The following MOGAT1 variants were observed in gnomAD, a reference collection of about 807,000 sequenced individuals.
The protein encoded by MOGAT1 is monoacylglycerol O-acyltransferase 1, also known as 2-acylglycerol O-acyltransferase 1.
In MOGAT1, 32 loss-of-function variants were observed where a neutral mutation model predicts 31.4. The ratio of observed to expected loss-of-function variants is 1.02; its 90% CI spans 0.77 to 1.37. MOGAT1 has a LOEUF of 1.37. Ranked by LOEUF, MOGAT1 falls within the 40% of genes most tolerant of loss-of-function variation. The probability of loss-of-function intolerance (pLI) is 0.00; values close to 1 mark genes in which losing one functional copy is unlikely to be tolerated. For missense variants in MOGAT1, 426 were observed against 402.0 expected (o/e 1.06, Z -0.51); for synonymous variants, 145 against 144.5 (o/e 1.00, Z -0.03).
chr2:222,690,836 T>TG (rs1692748120), intron 3 of MOGAT1, among the ~76,000 whole-genome samples: 1 of 152,106 alleles, frequency 6.6e-6, no homozygotes, highest in South Asian at 2.1e-4. Flanking sequence ...AAAGTGGGGT[T>TG]GGGGGGGAAT....
At chr2:222,705,834 C>T (rs1227015413) in intron 5 of MOGAT1, among the ~76,000 whole-genome samples, 1 of 152,164 alleles carries the variant, frequency 6.6e-6, no homozygotes, top group East Asian at 1.9e-4. Context: ...ACTGAACTCA[C>T]AATAGCAGGT....
intron 1 of MOGAT1, among the ~76,000 whole-genome samples, chr2:222,682,418 C>T (rs6716022): frequency 0.44 from 66,207 of 152,018 alleles, 16,813 homozygotes; most frequent in African/African-American, 0.72. Context: ...AAAGCTTTTA[C>T]AAGGTTGATT....
chr2:222,709,548 G>T (rs575174044), intron 5 of MOGAT1, among the ~76,000 whole-genome samples, 188 bp from the exon 6 acceptor site: 2 of 152,326 alleles, frequency 1.3e-5, no homozygotes, highest in East Asian at 3.9e-4. Flanking sequence ...GAGGAGGAAA[G>T]TTCTTTATTT....
In MOGAT1 at chr2:222,701,596, A is replaced by AAAAGAGAAAGAAAGGG. The variant is rs763465755; in HGVS notation, c.853+6309_853+6310insAAGAGAAAGAAAGGGA. Reference sequence around the variant, plus strand: ...GAAAAGAAAGAAAAAGAAAGAAAGAAAGGGAGGGAGGGAGGGAGAGAAGAA... The same window carrying AAAAGAGAAAGAAAGGG: ...GAAAAGAAAGAAAAAGAAAGAAAGAAAAAGAGAAAGAAAGGGAGGGAGGGAGGGAGGGAGAGAAGAA... On this transcript the variant is annotated intron_variant, in intron 5 of 5. Transcript: ENST00000446656. 4.9e-3 allele frequency among the ~76,000 whole-genome samples: 682 copies of AAAAGAGAAAGAAAGGG among 139,076 alleles called. 10 individuals are homozygous for AAAAGAGAAAGAAAGGG. Among genetic ancestry groups the AAAAGAGAAAGAAAGGG allele is most frequent in the South Asian group, 0.015 (65 of 4,290 alleles). The allele number at this position is 139,076 out of a possible 152,430, so 91.2% of individuals were successfully genotyped here.
At chr2:222,677,690 A>G in intron 1 of MOGAT1, 2 of 423,870 alleles carry the variant, frequency 4.7e-6, no homozygotes, top group South Asian at 3.9e-5. Context: ...ATGACACAGT[A>G]GCAGCCTTTC....
chr2:222,691,941 T>C (rs549896687), intron 3 of MOGAT1, among the ~76,000 whole-genome samples: 2 of 152,216 alleles, frequency 1.3e-5, no homozygotes, highest in Non-Finnish European at 2.9e-5. Context: ...CAACTGCGTT[T>C]CAGGTTCATA....
chr2:222,695,780 A>G (rs960121042), intron 5 of MOGAT1, among the ~76,000 whole-genome samples: 1 of 151,074 alleles, frequency 6.6e-6, no homozygotes, highest in Admixed American at 6.6e-5. Context: ...TTTTTATTTC[A>G]GTAGGTTTTT....
At chr2:222,672,044 C>T (rs1692426516) in intron 1 of MOGAT1, among the ~76,000 whole-genome samples, 165 bp downstream of exon 1, 1 of 152,242 alleles carries the variant, frequency 6.6e-6, no homozygotes, top group Admixed American at 6.5e-5. Context: ...CTGGTTTCCT[C>T]ACGAGAACCT....
At chr2:222,677,362 C>G (rs922104512) in intron 1 of MOGAT1, among the ~76,000 whole-genome samples, 1 of 152,130 alleles carries the variant, frequency 6.6e-6, no homozygotes, top group Non-Finnish European at 1.5e-5. Context: ...GGGTGGATCA[C>G]GAGATCAGGA....
At chr2:222,696,813 G>A (rs546556583) in intron 5 of MOGAT1, among the ~76,000 whole-genome samples, 3 of 152,242 alleles carry the variant, frequency 2.0e-5, no homozygotes, top group East Asian at 1.9e-4. Flanking sequence ...GCTGAGACAG[G>A]AGGAATGCCT....
chr2:222,701,296 GGAGGAGAGAGA>G (rs1314864757), intron 5 of MOGAT1, among the ~76,000 whole-genome samples: 3 of 94,598 alleles, frequency 3.2e-5, no homozygotes, highest in African/African-American at 1.3e-4. Flanking sequence ...GAGAGGAGGA[GGAGGAGAGAGA>G]GAGAGAGAGA....
chr2:222,708,474 TG>T (rs909887730), intron 5 of MOGAT1, among the ~76,000 whole-genome samples: 2 of 152,258 alleles, frequency 1.3e-5, no homozygotes, highest in Admixed American at 1.3e-4. Context: ...TGGGAATTTT[TG>T]TATTTTCTAA....
chr2:222,678,762 G>A (rs191567326), intron 1 of MOGAT1, among the ~76,000 whole-genome samples: 51 of 152,230 alleles, frequency 3.4e-4, no homozygotes, highest in Non-Finnish European at 4.4e-4. Flanking sequence ...CCAACATGGG[G>A]ACACCCTGCC....
Position 222,685,881 on chromosome 2 carries a change from C to T in MOGAT1, c.95-2463C>T, listed in dbSNP as rs558535921. Reference sequence around the variant, plus strand: ...TCCCAAAGTGCTGGGATTACAGTCACGAGCCACTGTGCCCGGCTGTGTTTT... The same window carrying T: ...TCCCAAAGTGCTGGGATTACAGTCATGAGCCACTGTGCCCGGCTGTGTTTT... On this transcript the variant is annotated intron_variant, in intron 1 of 5. Transcript: ENST00000446656. Among the ~76,000 whole-genome samples the T allele has an allele frequency of 4.2e-4, 64 of 151,654 alleles. No homozygotes were observed. In the South Asian group the frequency reaches 0.012, roughly 29 times the overall value.
At chr2:222,689,621 T>C (rs1282301396) in intron 3 of MOGAT1, among the ~76,000 whole-genome samples, 152 bp downstream of exon 3, 1 of 152,236 alleles carries the variant, frequency 6.6e-6, no homozygotes, top group Admixed American at 6.5e-5. Context: ...GGGTGTTTCC[T>C]GCCCTCCCCC....
intron 5 of MOGAT1, among the ~76,000 whole-genome samples, chr2:222,700,990 G>A (rs370267108): frequency 7.2e-5 from 11 of 152,264 alleles, no homozygotes; most frequent in East Asian, 1.9e-4. Flanking sequence ...GCTACCTTAC[G>A]TCATAAGATA....
rs746838155 is a variant in MOGAT1 at position 222,695,092 on chromosome 2, C to T, written c.657C>T (p.Ala219=). ...CCCGTCCCCTTTGTTATTGCAGCGC[C>T]TCTCTGGTCCCAGTGGTTTCTTTTG... ...GFVKIALTHG[A]SLVPVVSFGE... The change falls in exon 5 of 6, where the codon GCC becomes GCT. Residue 219 remains alanine (A), a synonymous_variant. Coordinates refer to ENST00000446656, the MANE Select transcript of MOGAT1 (RefSeq NM_058165.3). 3.8e-5 allele frequency: 60 copies of T among 1,586,588 alleles called. No homozygotes were observed. Among genetic ancestry groups the T allele is most frequent in the Non-Finnish European group, 5.1e-5 (59 of 1,167,818 alleles).
In MOGAT1 at chr2:222,687,136, AAAAGAAAGAACAAGAAAG is replaced by A. The variant is rs1185161412; in HGVS notation, c.95-1200_95-1183del. ...CTCAAAAAAAAAAAAAAAAAAAAAA[AAAAGAAAGAACAAGAAAG>A]AAAGAAAAAATATATATAAATGTTG... On this transcript the variant is annotated intron_variant, in intron 1 of 5. Transcript: ENST00000446656. Among the ~76,000 whole-genome samples the A allele has an allele frequency of 2.4e-3, 162 of 67,452 alleles. 11 individuals are homozygous for A. Among genetic ancestry groups the A allele is most frequent in the Non-Finnish European group, 4.0e-3 (142 of 35,658 alleles). 44.3% of individuals were successfully genotyped at this position (67,452 alleles called of 152,430 possible).
intron 1 of MOGAT1, among the ~76,000 whole-genome samples, chr2:222,672,515 G>A (rs1692432713): frequency 6.6e-6 from 1 of 152,142 alleles, no homozygotes; most frequent in South Asian, 2.1e-4. Flanking sequence ...AAACATACAC[G>A]AGCCGAATCA....
Sources: gnomAD v4.1 joint callset for allele counts (sites outside exome capture counted in the v4.1 genomes callset) on GRCh38, gnomAD v4.1.1 for gene constraint, MANE v1.5 for transcripts, NCBI Gene and HGNC (gene_info 2026-07-23, HGNC 2026-07-21) for gene names.